The following MTMR12 variants were observed in gnomAD, a reference collection of about 807,000 sequenced individuals.
MTMR12 encodes myotubularin related protein 12.
Under a neutral mutation model 96.7 loss-of-function variants are expected in MTMR12, and 33 were observed. That is an observed-to-expected ratio of 0.34 (90% CI 0.26 to 0.46). The LOEUF is 0.46. Among genes scored for constraint, MTMR12 ranks in the 20% least tolerant of loss-of-function variants. The pLI is 1.00. For synonymous variants in MTMR12, 298 were observed against 327.2 expected, an observed-to-expected ratio of 0.91 and a Z score of 0.96; for missense variants, 721 against 896.1, an observed-to-expected ratio of 0.80 and a Z score of 2.49.
chr5:32,231,781 A>G lies in MTMR12; in HGVS notation c.1675-1434T>C, dbSNP rs73752843. ...GATTCAGTGGCCTCTCTTTTTCTCC[A>G]TCGTGAAGATGTGTCAGGCAGGGCA... On this transcript the variant is annotated intron_variant, in intron 15 of 15. Coordinates refer to ENST00000382142, the MANE Select transcript of MTMR12 (RefSeq NM_001040446.3). Among the ~76,000 whole-genome samples, 786 of 152,328 alleles carry G rather than the reference A, an allele frequency of 5.2e-3. 7 individuals are homozygous for G. The highest frequency in any genetic ancestry group is 0.018 in the African/African-American group (763 of 41,588).
At chr5:32,265,773 C>T (rs1749564848) in intron 6 of MTMR12, among the ~76,000 whole-genome samples, 2 of 152,142 alleles carry the variant, frequency 1.3e-5, no homozygotes, top group Admixed American at 1.3e-4. Flanking sequence ...TTAATTAATT[C>T]CCAATTAATG....
intron 1 of MTMR12, among the ~76,000 whole-genome samples, chr5:32,296,901 A>G (rs953817373): frequency 3.9e-5 from 6 of 152,078 alleles, no homozygotes; most frequent in East Asian, 3.9e-4. Flanking sequence ...AGGAGATCGA[A>G]ACCATCCTGG....
Position 32,242,075 on chromosome 5 carries a change from T to C in MTMR12, c.1153A>G (p.Met385Val). The C allele has an allele frequency of 6.2e-7, 1 of 1,612,722 alleles. No homozygotes were observed. Among genetic ancestry groups the C allele is most frequent in the Non-Finnish European group, 8.5e-7 (1 of 1,179,006 alleles). Reference protein sequence around the residue: ...EITECMEAQNMNVLLLEENAS... With the variant: ...EITECMEAQNVNVLLLEENAS... ...ATATTACCTAAAAGAAGAACATTCA[T>C]GTTTTGTGCTTCCATACATTCTGTA... is the stretch of plus-strand genomic sequence containing the variant. The change falls in exon 12 of 16, where the codon ATG (methionine) becomes GTG (valine). Residue 385 changes from methionine to valine, a missense_variant. Physicochemically the swap from Met to Val is conservative, Grantham distance 21. Coordinates refer to ENST00000382142, the MANE Select transcript of MTMR12 (RefSeq NM_001040446.3).
intron 1 of MTMR12, among the ~76,000 whole-genome samples, chr5:32,304,315 G>T (rs1006901640): frequency 3.8e-4 from 57 of 150,784 alleles, no homozygotes; most frequent in African/African-American, 1.3e-3. Context: ...GTGAGACTCC[G>T]TCTCCAAAAA....
intron 1 of MTMR12, among the ~76,000 whole-genome samples, chr5:32,286,139 G>C (rs1035331254): frequency 6.6e-6 from 1 of 152,140 alleles, no homozygotes; most frequent in African/African-American, 2.4e-5. Flanking sequence ...CCAAGTTCGA[G>C]ACAAGCTTGG....
At chr5:32,289,688 A>G (rs1239464551) in intron 1 of MTMR12, among the ~76,000 whole-genome samples, 1 of 152,184 alleles carries the variant, frequency 6.6e-6, no homozygotes, top group Non-Finnish European at 1.5e-5. Context: ...GTGGGCCCCC[A>G]GACTCATCCT....
chr5:32,247,688 T>C lies in MTMR12; in HGVS notation c.1021+314A>G, dbSNP rs907598217. 10 of 923,780 alleles carry C rather than the reference T, an allele frequency of 1.1e-5. No individual in the cohort carries two copies. In the African/African-American group the frequency reaches 1.4e-4, roughly 13 times the overall value. 57.2% of individuals were successfully genotyped at this position (923,780 alleles called of 1,614,324 possible). On this transcript the variant is annotated intron_variant, in intron 10 of 15. Coordinates refer to ENST00000382142, the MANE Select transcript of MTMR12 (RefSeq NM_001040446.3). ...ACTGCAAGTCAACAAATATAAATAC[T>C]ACATAGTTCAAAAACTTTTAAAGGA... is the stretch of plus-strand genomic sequence containing the variant.
chr5:32,299,516 C>A (rs535869799), intron 1 of MTMR12, among the ~76,000 whole-genome samples: 2 of 152,254 alleles, frequency 1.3e-5, no homozygotes, highest in African/African-American at 4.8e-5. Context: ...GCCATCTGTG[C>A]CTCCCCTTCT....
At chr5:32,268,911 TATTA>T in intron 5 of MTMR12, 117 bp from the exon 6 acceptor site, 1 of 709,192 alleles carries the variant, frequency 1.4e-6, no homozygotes, top group Non-Finnish European at 2.4e-6. Context: ...ATGGACAACA[TATTA>T]ATTCTCATTT....
Position 32,312,670 on chromosome 5 carries a change from G to C in MTMR12, c.81+88C>G. The C allele has an allele frequency of 1.7e-6, 2 of 1,196,412 alleles. No individual in the cohort carries two copies. Among genetic ancestry groups the C allele is most frequent in the Non-Finnish European group, 2.1e-6 (2 of 937,752 alleles). 74.1% of individuals were successfully genotyped at this position (1,196,412 alleles called of 1,614,324 possible). ...GGCACAAGGGCAGGAAGCGCTCCGC[G>C]GCGCTCCCCGCTGCAAGGAAGGGGC... On this transcript the variant is annotated intron_variant, in intron 1 of 15. Transcript: ENST00000382142. This position sits in a 1 kb window ranked among gnomAD's most constrained non-coding sequence, Gnocchi z 5.0.
At chr5:32,251,125 G>A (rs1330465001) in intron 8 of MTMR12, among the ~76,000 whole-genome samples, 1 of 144,502 alleles carries the variant, frequency 6.9e-6, no homozygotes, top group African/African-American at 2.6e-5. Flanking sequence ...GCGGGATCTC[G>A]GCTCACTGCA....
chr5:32,257,488 C>G (rs2112043898), intron 7 of MTMR12, among the ~76,000 whole-genome samples: 1 of 152,050 alleles, frequency 6.6e-6, no homozygotes, highest in East Asian at 1.9e-4. Context: ...AAAAAATCAT[C>G]AGCCGGGCAT....
chr5:32,298,318 T>C (rs1369235194), intron 1 of MTMR12, among the ~76,000 whole-genome samples: 1 of 152,124 alleles, frequency 6.6e-6, no homozygotes, highest in Non-Finnish European at 1.5e-5. Flanking sequence ...GGGGCTGTGA[T>C]TGGTTGGGCA....
At position 32,228,910 on chromosome 5, in the gene MTMR12, G is replaced by C. The variant is rs907473258; in HGVS notation, c.*868C>G. 2 of 151,866 alleles carry C rather than the reference G, an allele frequency of 1.3e-5. No individual in the cohort carries two copies. Among genetic ancestry groups the C allele is most frequent in the African/African-American group, 4.8e-5 (2 of 41,316 alleles). 9.4% of individuals were successfully genotyped at this position (151,866 alleles called of 1,614,324 possible). On this transcript the variant is annotated 3_prime_UTR_variant, in exon 16 of 16. Coordinates refer to ENST00000382142, the MANE Select transcript of MTMR12 (RefSeq NM_001040446.3). The stretch of plus-strand genomic sequence containing the variant: ...AAGCTTCAGCAGGCAAGTAGAAAAA[G>C]GCGAAGCGATTTGTTCCAAACAAGG...
intron 1 of MTMR12, among the ~76,000 whole-genome samples, chr5:32,311,363 G>T (rs1309509030): frequency 1.3e-5 from 2 of 152,218 alleles, no homozygotes; most frequent in East Asian, 3.9e-4. Flanking sequence ...TTACAACTAG[G>T]ACTAAAAATA....
intron 1 of MTMR12, among the ~76,000 whole-genome samples, chr5:32,302,578 A>G (rs1751194643): frequency 6.6e-6 from 1 of 152,082 alleles, no homozygotes; most frequent in Admixed American, 6.6e-5. Flanking sequence ...TTAGCCAGGC[A>G]TGGTGGCACG....
intron 2 of MTMR12, among the ~76,000 whole-genome samples, 184 bp from the exon 3 acceptor site, chr5:32,274,306 G>A (rs1308117041): frequency 2.6e-5 from 4 of 152,158 alleles, no homozygotes; most frequent in Non-Finnish European, 4.4e-5. Context: ...GCGGCAGAGT[G>A]GAAACCACCA....
intron 1 of MTMR12, among the ~76,000 whole-genome samples, chr5:32,290,725 G>A (rs932295312): frequency 2.0e-5 from 3 of 152,218 alleles, no homozygotes; most frequent in Non-Finnish European, 4.4e-5. Context: ...TAGTGCTTGA[G>A]GTGTCAGTGG....
At chr5:32,294,747 TGTCA>T (rs1424539843) in intron 1 of MTMR12, among the ~76,000 whole-genome samples, 7 of 152,208 alleles carry the variant, frequency 4.6e-5, no homozygotes, top group Non-Finnish European at 1.5e-5. Context: ...GACAGTAAAT[TGTCA>T]GTAAGTCTGC....
Sources: gnomAD v4.1 joint callset for allele counts (sites outside exome capture counted in the v4.1 genomes callset) on GRCh38, gnomAD v4.1.1 for gene constraint, Gnocchi (gnomAD v3.1) non-coding constraint, MANE v1.5 for transcripts, NCBI Gene and HGNC (gene_info 2026-07-23, HGNC 2026-07-21) for gene names.